The following TMPRSS9 variants were observed in gnomAD, a reference collection of about 807,000 sequenced individuals.
TMPRSS9 encodes transmembrane protease serine 9.
Under a neutral mutation model 111.4 loss-of-function variants are expected in TMPRSS9, and 113 were observed. That is an observed-to-expected ratio of 1.01 (90% CI 0.87 to 1.19). The LOEUF is 1.19. TMPRSS9 is among the 50% of genes most tolerant of loss of function. The pLI is 0.00. For missense variants in TMPRSS9, 1,803 were observed against 1,513.1 expected, an observed-to-expected ratio of 1.19 and a Z score of -3.18; for synonymous variants, 805 against 659.1, an observed-to-expected ratio of 1.22 and a Z score of -3.39.
chr19:2,424,929 T>TG, intron 15 of TMPRSS9, 73 bp from the exon 17 acceptor site: 2 of 1,363,320 alleles, frequency 1.5e-6, no homozygotes, highest in Non-Finnish European at 1.9e-6. Flanking sequence ...AGCCGGCCGC[T>TG]GGGGGACACC....
intron 14 of TMPRSS9, among the ~76,000 whole-genome samples, chr19:2,423,704 AG>A (rs754803239): frequency 3.7e-4 from 57 of 152,070 alleles, no homozygotes; most frequent in Non-Finnish European, 7.1e-4. Flanking sequence ...GGAGGTGATC[AG>A]GGATCCAGGC....
chr19:2,402,276 TA>T (rs1029801215), intron 5 of TMPRSS9, among the ~76,000 whole-genome samples: 1 of 151,796 alleles, frequency 6.6e-6, no homozygotes, highest in South Asian at 2.1e-4. Flanking sequence ...AAAATTATTA[TA>T]AAAAATAATA....
At chr19:2,415,203 C>A (rs1971199049) in intron 10 of TMPRSS9, among the ~76,000 whole-genome samples, 1 of 152,044 alleles carries the variant, frequency 6.6e-6, no homozygotes, top group East Asian at 1.9e-4. Flanking sequence ...CCTTGGCCTC[C>A]CAAAGTGCTG....
chr19:2,398,345 G>A lies in TMPRSS9; in HGVS notation c.271-450G>A, dbSNP rs976757670. Reference sequence around the variant, plus strand: ...TTAAAAATAAAACATAAGTCTGGGCGTGGTGGCTCACAACTGTAATCCTAG... The same window carrying A: ...TTAAAAATAAAACATAAGTCTGGGCATGGTGGCTCACAACTGTAATCCTAG... On this transcript the variant is annotated intron_variant, in intron 2 of 17. Coordinates refer to ENST00000648592, the Ensembl canonical transcript of TMPRSS9. 2.0e-5 allele frequency among the ~76,000 whole-genome samples: 3 copies of A among 151,180 alleles called. No homozygotes were observed. The East Asian group carries it at 5.8e-4, about 29-fold the overall frequency.
chr19:2,378,875 AT>A (rs1244160694), intron 1 of TMPRSS9, among the ~76,000 whole-genome samples: 5 of 152,210 alleles, frequency 3.3e-5, no homozygotes, highest in Non-Finnish European at 7.3e-5. Context: ...AGAGAGAAGA[AT>A]GAAAGCCCAA....
rs191614693 is a variant in TMPRSS9, at chr19:2,364,949, A to G, written c.-26+4589A>G. 2.7e-3 allele frequency among the ~76,000 whole-genome samples: 412 copies of G among 151,248 alleles called. 1 individual carries two copies. Among genetic ancestry groups the G allele is most frequent in the African/African-American group, 9.7e-3 (397 of 41,052 alleles). On this transcript the variant is annotated intron_variant, in intron 1 of 17. Coordinates refer to the TMPRSS9 transcript ENST00000649857. The stretch of plus-strand genomic sequence containing the variant: ...AGCCAGGATCGCGCCACTGCACTCC[A>G]GCCTGGGCGACGGAGCGAGACTCCA...
chr19:2,398,993 A>C (rs1267084173), intron 3 of TMPRSS9, 25 bp from the exon 5 acceptor site: 2 of 1,603,282 alleles, frequency 1.2e-6, no homozygotes, highest in Non-Finnish European at 1.7e-6. Context: ...CTCCCTCTCC[A>C]AGGGCCTCTC....
chr19:2,425,948 G>C lies in TMPRSS9; in HGVS notation c.3142G>C (p.Ala1048Pro), dbSNP rs771464310. The C allele has an allele frequency of 3.1e-6, 5 of 1,601,374 alleles. No homozygotes were observed. The highest frequency in any genetic ancestry group is 4.3e-6 in the Non-Finnish European group (5 of 1,176,042). ...ACAGGGTGACGCTGGGGGACCCCTG[G>C]CCTGCAGGGAGCCCTCTGGACGGTG... The change falls in exon 18 of 18, where the codon GCC becomes CCC. Residue 1048 changes from alanine (A) to proline (P), a missense_variant. Coordinates refer to ENST00000648592, the Ensembl canonical transcript of TMPRSS9.
chr19:2,377,951 G>A (rs1459781154), intron 1 of TMPRSS9, among the ~76,000 whole-genome samples: 1 of 151,312 alleles, frequency 6.6e-6, no homozygotes, highest in East Asian at 2.0e-4. Context: ...GCTCACTGCA[G>A]CTTCGATCTC....
At position 2,418,319 on chromosome 19, in the gene TMPRSS9, C is replaced by CTTTCTCTCCTT. The variant is rs1168336908; in HGVS notation, c.2154+182_2154+183insTTCTCTCCTTT. 1.0e-4 allele frequency among the ~76,000 whole-genome samples: 4 copies of CTTTCTCTCCTT among 39,620 alleles called. 1 individual carries two copies. The highest frequency in any genetic ancestry group is 1.8e-4 in the African/African-American group (1 of 5,678). 26.0% of individuals were successfully genotyped at this position (39,620 alleles called of 152,430 possible). ...TCCTTCCCTCCCTTTCCCTCCCTCC[C>CTTTCTCTCCTT]TCCCTCCCTCCCTTTCCTTCCCTCC... On this transcript the variant is annotated intron_variant, in intron 13 of 17. Transcript: ENST00000648592.
In TMPRSS9 at chr19:2,396,478, C is replaced by T. The variant is rs1970709659; in HGVS notation, c.143-61C>T. 2.0e-6 allele frequency: 3 copies of T among 1,507,546 alleles called. No individual in the cohort carries two copies. The East Asian group carries it at 7.4e-5, about 37-fold the overall frequency. The allele number at this position is 1,507,546 out of a possible 1,614,324, so 93.4% of individuals were successfully genotyped here. ...AAACAGGGCGGGGCCTGGGTGGCAG[C>T]TCAGCGGAGCCCTGAGCCCCCAAAG... is the stretch of plus-strand genomic sequence containing the variant. On this transcript the variant is annotated intron_variant, in intron 1 of 17. Coordinates refer to ENST00000648592, the Ensembl canonical transcript of TMPRSS9.
upstream of TMPRSS9, among the ~76,000 whole-genome samples, chr19:2,388,811 T>C (rs1282759995): frequency 6.6e-6 from 1 of 151,786 alleles, no homozygotes; most frequent in East Asian, 2.0e-4. Flanking sequence ...TTTGTGGAGA[T>C]GGGGGTCTCA....
intron 1 of TMPRSS9, among the ~76,000 whole-genome samples, chr19:2,370,945 G>A (rs1431432775): frequency 6.6e-6 from 1 of 152,094 alleles, no homozygotes; most frequent in Non-Finnish European, 1.5e-5. Context: ...CTGGGTGACA[G>A]AGCCAGACCC....
At chr19:2,360,792 G>A (rs138763169) in intron 1 of TMPRSS9, among the ~76,000 whole-genome samples, 2 of 151,488 alleles carry the variant, frequency 1.3e-5, no homozygotes, top group South Asian at 2.1e-4. Flanking sequence ...GTAGATGCAC[G>A]TAGGGTTGTG....
intron 1 of TMPRSS9, among the ~76,000 whole-genome samples, chr19:2,384,078 G>A (rs1229331325): frequency 6.6e-6 from 1 of 152,012 alleles, no homozygotes; most frequent in South Asian, 2.1e-4. Context: ...AGAAGCCCTC[G>A]GCCACGTGGG....
rs1173100992 is a variant in TMPRSS9, at chr19:2,408,235, A to G, written c.843-121A>G. 4 of 948,142 alleles carry G rather than the reference A, an allele frequency of 4.2e-6. No individual in the cohort carries two copies. In the East Asian group the frequency reaches 7.9e-5, roughly 19 times the overall value. The allele number at this position is 948,142 out of a possible 1,614,324, so 58.7% of individuals were successfully genotyped here. On this transcript the variant is annotated intron_variant, in intron 7 of 17. Transcript: ENST00000648592. ...GTCTGGCCTGATTTTTATAAATACT[A>G]TTCATAAATATTAATGTGGGGGGAT...
At chr19:2,417,507 G>GT (rs1971274180) in intron 12 of TMPRSS9, among the ~76,000 whole-genome samples, 1 of 151,258 alleles carries the variant, frequency 6.6e-6, no homozygotes, top group Admixed American at 6.6e-5. Context: ...AATTAGCCGA[G>GT]TATGGTGGCA....
chr19:2,371,566 G>A (rs760250844), intron 1 of TMPRSS9, among the ~76,000 whole-genome samples: 5 of 152,000 alleles, frequency 3.3e-5, no homozygotes, highest in African/African-American at 7.2e-5. Flanking sequence ...ATGTGGTGAC[G>A]GGCACCTATA....
chr19:2,377,909 C>G (rs1380427965), intron 1 of TMPRSS9, among the ~76,000 whole-genome samples: 2 of 150,700 alleles, frequency 1.3e-5, no homozygotes, highest in Middle Eastern at 3.5e-3. Flanking sequence ...GAGACAGGGT[C>G]TCCCTCTGCC....
Sources: gnomAD v4.1 joint callset for allele counts (sites outside exome capture counted in the v4.1 genomes callset) on GRCh38, gnomAD v4.1.1 for gene constraint, MANE v1.5 for transcripts, NCBI Gene and HGNC (gene_info 2026-07-23, HGNC 2026-07-21) for gene names.